The following LHFPL5 variants were observed in gnomAD, a reference collection of about 807,000 sequenced individuals.
LHFPL5 encodes the protein LHFPL tetraspan subfamily member 5 protein.
LHFPL5 carries 12 observed loss-of-function variants against 18.7 expected under a neutral mutation model. The ratio of observed to expected loss-of-function variants is 0.64; its 90% confidence interval spans 0.41 to 1.04. LHFPL5 has a LOEUF of 1.04. Ranked by LOEUF, LHFPL5 falls within the 50% of genes least tolerant of loss-of-function variation. LHFPL5 has a pLI of 0.00. For synonymous variants in LHFPL5, 111 were observed against 120.2 expected, an observed-to-expected ratio of 0.92 and a Z score of 0.50; for missense variants, 259 against 292.1, an observed-to-expected ratio of 0.89 and a Z score of 0.83.
intron 1 of LHFPL5, among the ~76,000 whole-genome samples, chr6:35,813,076 T>C (rs1443542687): frequency 6.6e-6 from 1 of 151,798 alleles, no homozygotes; most frequent in African/African-American, 2.4e-5. Context: ...AAAGAAAGCT[T>C]AAGTTGCTTG....
chr6:35,808,587 A>G (rs1262911101), intron 1 of LHFPL5, among the ~76,000 whole-genome samples: 7 of 134,622 alleles, frequency 5.2e-5, no homozygotes, highest in African/African-American at 1.9e-4. Context: ...ATATATATAT[A>G]TATATATATA....
intron 1 of LHFPL5, among the ~76,000 whole-genome samples, chr6:35,811,599 C>G (rs1287696022): frequency 6.6e-6 from 1 of 152,176 alleles, no homozygotes; most frequent in Non-Finnish European, 1.5e-5. Context: ...AGGCCCTGGG[C>G]TTTTTTCCGG....
At position 35,814,530 on chromosome 6, in the gene LHFPL5, C is replaced by T. The variant is rs1281439954; in HGVS notation, c.413-16C>T. ...CACTCGGCCTGATGCCATGTGCACC[C>T]CTCCTTCCCCCTCAGCCACAGGCCT... On this transcript the variant is annotated splice_polypyrimidine_tract_variant and intron_variant, in intron 1 of 3. Transcript: ENST00000360215. This position sits in a 1 kb window ranked among gnomAD's most constrained non-coding sequence, Gnocchi z 4.2. The T allele has an allele frequency of 2.5e-6, 4 of 1,595,948 alleles. No homozygotes were observed. Among genetic ancestry groups the T allele is most frequent in the South Asian group, 1.1e-5 (1 of 90,726 alleles).
chr6:35,805,606 C>T lies in LHFPL5; in HGVS notation c.-65C>T. The T allele has an allele frequency of 1.3e-6, 2 of 1,569,972 alleles. No individual in the cohort carries two copies. The highest frequency in any genetic ancestry group is 2.2e-5 in the East Asian group (1 of 44,622). On this transcript the variant is annotated 5_prime_UTR_variant, in exon 1 of 4. Coordinates refer to ENST00000360215, the MANE Select transcript of LHFPL5 (RefSeq NM_182548.4). This position sits in a 1 kb window ranked among gnomAD's most constrained non-coding sequence, Gnocchi z 4.3. ...GCTGGGGAGTGACCTGCTTCTAGGCCTCCATCCACAAAGCTACGGACTTGC... is the reference window on the plus strand; with the variant it reads ...GCTGGGGAGTGACCTGCTTCTAGGCTTCCATCCACAAAGCTACGGACTTGC...
Position 35,820,383 on chromosome 6 carries a change from A to C in LHFPL5, c.*16+920A>C, listed in dbSNP as rs201720277. On this transcript the variant is annotated intron_variant, in intron 3 of 3. Transcript: ENST00000360215. ...AACATTTGTTAAATGTGATTTAACA[A>C]GAACATTCAGGAATGCATTTAAAAA... Among the ~76,000 whole-genome samples, 3 of 152,334 alleles carry C rather than the reference A, an allele frequency of 2.0e-5. No individual in the cohort carries two copies. The East Asian group carries it at 5.8e-4, about 29-fold the overall frequency.
Position 35,805,484 on chromosome 6 carries a change from G to A in LHFPL5, c.-187G>A. The stretch of plus-strand genomic sequence containing the variant: ...CACAGGCACCTGGCAAGCTTTCCTT[G>A]ACCAAATCAAGGTTGTCCTTGTCCT... On this transcript the variant is annotated 5_prime_UTR_variant, in exon 1 of 4. Coordinates refer to ENST00000360215, the MANE Select transcript of LHFPL5 (RefSeq NM_182548.4). This position sits in a 1 kb window ranked among gnomAD's most constrained non-coding sequence, Gnocchi z 4.3. The A allele has an allele frequency of 1.6e-6, 1 of 620,280 alleles. No homozygotes were observed. The highest frequency in any genetic ancestry group is 1.9e-5 in the South Asian group (1 of 52,474). The allele number at this position is 620,280 out of a possible 1,614,324, so 38.4% of individuals were successfully genotyped here. A position where few individuals can be genotyped will look rare whatever the true frequency, so the allele number is the denominator to read the frequency against.
chr6:35,822,887 G>A (rs1180660835), intron 3 of LHFPL5, 95 bp from the exon 4 acceptor site: 1 of 152,216 alleles, frequency 6.6e-6, no homozygotes, highest in African/African-American at 2.4e-5. Context: ...TGGGATTACA[G>A]GCGTGAACCA....
chr6:35,823,631 A>AG lies in LHFPL5; in HGVS notation c.*672dup, dbSNP rs147136847. 44,257 of 151,312 alleles carry AG rather than the reference A, an allele frequency of 0.29. 6,773 individuals are homozygous for AG. Among genetic ancestry groups the AG allele is most frequent in the South Asian group, 0.42 (1,995 of 4,764 alleles). 9.4% of individuals were successfully genotyped at this position (151,312 alleles called of 1,614,324 possible). On this transcript the variant is annotated 3_prime_UTR_variant, in exon 4 of 4. Transcript: ENST00000360215. Reference sequence around the variant, plus strand: ...ATTTTGTTTTCTTATTGCTGCTCAGAGGGGGGTAAGGAATGGAGGGGCCAT... The same window carrying AG: ...ATTTTGTTTTCTTATTGCTGCTCAGAGGGGGGGTAAGGAATGGAGGGGCCAT...
At chr6:35,817,261 C>T (rs757674936) in intron 2 of LHFPL5, among the ~76,000 whole-genome samples, 1 of 151,974 alleles carries the variant, frequency 6.6e-6, no homozygotes, top group Non-Finnish European at 1.5e-5. Context: ...GCAGAGCTTG[C>T]AGTGAGCCAA....
At position 35,805,991 on chromosome 6, in the gene LHFPL5, C is replaced by T. The variant is rs200392480; in HGVS notation, c.321C>T (p.Leu107=). ...TCTTTGTGGCCTTGGGCATGTTCCT[C>T]ATCATTGGCTCCATCATCTGCTTCA... is the stretch of plus-strand genomic sequence containing the variant. ...AMFFVALGMF[L]IIGSIICFSL... Residue 107 remains leucine (L), a synonymous_variant, in exon 1 of 4, where the codon CTC becomes CTT. Coordinates refer to ENST00000360215, the MANE Select transcript of LHFPL5 (RefSeq NM_182548.4). This position sits in a 1 kb window ranked among gnomAD's most constrained non-coding sequence, Gnocchi z 4.3. The T allele has an allele frequency of 4.5e-5, 73 of 1,614,252 alleles. No individual in the cohort carries two copies. In the African/African-American group the frequency reaches 8.3e-4, roughly 18 times the overall value.
intron 1 of LHFPL5, 79 bp downstream of exon 1, chr6:35,806,161 A>T: frequency 6.6e-7 from 1 of 1,505,460 alleles, no homozygotes; most frequent in South Asian, 1.2e-5. Context: ...AGCCTCTGCC[A>T]GGGCTCTGGG....
intron 2 of LHFPL5, among the ~76,000 whole-genome samples, chr6:35,819,210 CA>C (rs1353491694): frequency 6.6e-6 from 1 of 152,136 alleles, no homozygotes; most frequent in African/African-American, 2.4e-5. Flanking sequence ...TGCCTTTAGG[CA>C]CTGGAAGTAC....
At chr6:35,817,544 A>C (rs1285943965) in intron 2 of LHFPL5, among the ~76,000 whole-genome samples, 1 of 152,222 alleles carries the variant, frequency 6.6e-6, no homozygotes, top group Non-Finnish European at 1.5e-5. Flanking sequence ...AAAATGGGCA[A>C]GGGATTTGAA....
chr6:35,821,162 G>A (rs1351090654), intron 3 of LHFPL5, among the ~76,000 whole-genome samples: 1 of 152,028 alleles, frequency 6.6e-6, no homozygotes, highest in Non-Finnish European at 1.5e-5. Flanking sequence ...AAATTAGCTG[G>A]GTGTGGTGGC....
In LHFPL5 at chr6:35,821,449, TTGTGTGTGTGTGTGTGTG is replaced by T. The variant is rs34049571; in HGVS notation, c.*17-1505_*17-1488del. On this transcript the variant is annotated intron_variant, in intron 3 of 3. Coordinates refer to ENST00000360215, the MANE Select transcript of LHFPL5 (RefSeq NM_182548.4). Reference sequence around the variant, plus strand: ...ATAAAAAAGCATTAGAGCATAATCTTTGTGTGTGTGTGTGTGTGTGTGTGTGTGTGTGTGTGTGTGTGT... The same window carrying T: ...ATAAAAAAGCATTAGAGCATAATCTTTGTGTGTGTGTGTGTGTGTGTGTGT... 3.7e-3 allele frequency among the ~76,000 whole-genome samples: 441 copies of T among 120,434 alleles called. 1 individual carries two copies. Among genetic ancestry groups the T allele is most frequent in the Non-Finnish European group, 6.2e-3 (344 of 55,620 alleles). 79.0% of individuals were successfully genotyped at this position (120,434 alleles called of 152,430 possible).
Position 35,806,080 on chromosome 6 carries a change from C to T in LHFPL5, c.410C>T (p.Ala137Val), listed in dbSNP as rs780757125. The change falls in exon 1 of 4, where the codon GCG becomes GTG. Residue 137 changes from alanine to valine, a missense_variant and splice_region_variant. Physicochemically the swap from Ala to Val is moderately conservative, Grantham distance 64. Coordinates refer to ENST00000360215, the MANE Select transcript of LHFPL5 (RefSeq NM_182548.4). ...ATCTGTGCATGGATGCAGCTGGCTG[C>T]GGGTAAGCAGAGATGGTGGGAGGGC... ...YKICAWMQLAAATGLMIGCLV... is the reference protein window; with the variant it reads ...YKICAWMQLAVATGLMIGCLV... The T allele has an allele frequency of 2.5e-6, 4 of 1,613,556 alleles. No homozygotes were observed. In the Admixed American group the frequency reaches 5.0e-5, roughly 20 times the overall value.
intron 2 of LHFPL5, among the ~76,000 whole-genome samples, chr6:35,815,559 T>A (rs1199465683): frequency 6.6e-6 from 1 of 152,164 alleles, no homozygotes; most frequent in Non-Finnish European, 1.5e-5. Flanking sequence ...TCTCAGCAGG[T>A]GGCCATCACT....
Position 35,805,901 on chromosome 6 carries a change from C to T in LHFPL5, c.231C>T (p.Leu77=). Residue 77 remains leucine (L), a synonymous_variant, in exon 1 of 4, where the codon CTC becomes CTT. Coordinates refer to ENST00000360215, the MANE Select transcript of LHFPL5 (RefSeq NM_182548.4). This position sits in a 1 kb window ranked among gnomAD's most constrained non-coding sequence, Gnocchi z 4.3. The stretch of plus-strand genomic sequence containing the variant: ...TGGGTAACGTGCTGTCCTCCGAGCT[C>T]ATCTGCAAGGGCGGCCCCCTAGACT... ...YCVGNVLSSE[L]ICKGGPLDFS... 1 of 1,614,250 alleles carries T rather than the reference C, an allele frequency of 6.2e-7. No individual in the cohort carries two copies. The highest frequency in any genetic ancestry group is 8.5e-7 in the Non-Finnish European group (1 of 1,180,038).
intron 2 of LHFPL5, among the ~76,000 whole-genome samples, chr6:35,816,177 CAAAAAAAAAA>C (rs60374883): frequency 3.1e-4 from 19 of 60,578 alleles, no homozygotes; most frequent in Non-Finnish European, 4.6e-4. Context: ...GACTCCGTCT[CAAAAAAAAAA>C]AAAAAAAAAA....
Sources: gnomAD v4.1 joint callset for allele counts (sites outside exome capture counted in the v4.1 genomes callset) on GRCh38, gnomAD v4.1.1 for gene constraint, Gnocchi (gnomAD v3.1) non-coding constraint, MANE v1.5 for transcripts, NCBI Gene and HGNC (gene_info 2026-07-23, HGNC 2026-07-21) for gene names.